The following TMEM132D variants were observed in gnomAD, a reference collection of about 807,000 sequenced individuals.
TMEM132D encodes the protein transmembrane protein 132D, also known as mature OL transmembrane protein.
TMEM132D carries 21 observed loss-of-function variants against 62.3 expected under a neutral mutation model. That is an observed-to-expected ratio of 0.34 (90% CI 0.24 to 0.49). The LOEUF is 0.49. TMEM132D is among the 20% of genes least tolerant of loss of function. The probability of loss-of-function intolerance (pLI) is 0.99; values close to 1 mark genes in which losing one functional copy is unlikely to be tolerated. For synonymous variants in TMEM132D, 621 were observed against 575.6 expected, an observed-to-expected ratio of 1.08 and a Z score of -1.13; for missense variants, 1,346 against 1,402.8, an observed-to-expected ratio of 0.96 and a Z score of 0.65.
chr12:129,827,155 G>A lies in TMEM132D; in HGVS notation c.79+76106C>T, dbSNP rs557898072. Reference sequence around the variant, plus strand: ...TAATAATAGCAATTAATAATTAAGCGCGTCTCTATATTTGATCTTCTGCTA... The same window carrying A: ...TAATAATAGCAATTAATAATTAAGCACGTCTCTATATTTGATCTTCTGCTA... On this transcript the variant is annotated intron_variant, in intron 1 of 8. Transcript: ENST00000422113. This position sits in a 1 kb window ranked among gnomAD's most constrained non-coding sequence, Gnocchi z 9.7. Among the ~76,000 whole-genome samples, 168 of 152,200 alleles carry A rather than the reference G, an allele frequency of 1.1e-3. No homozygotes were observed. Among genetic ancestry groups the A allele is most frequent in the African/African-American group, 3.4e-3 (140 of 41,522 alleles).
intron 4 of TMEM132D, among the ~76,000 whole-genome samples, chr12:129,322,394 G>C (rs565668691): frequency 6.0e-4 from 92 of 152,340 alleles, no homozygotes; most frequent in Non-Finnish European, 8.2e-4. Flanking sequence ...GCCATGCCAT[G>C]ATGGCCATTT....
chr12:129,610,084 A>G (rs1476206419), intron 2 of TMEM132D, among the ~76,000 whole-genome samples: 2 of 152,170 alleles, frequency 1.3e-5, no homozygotes, highest in East Asian at 1.9e-4. Flanking sequence ...AGCCTGGCCA[A>G]CACAGTGAAA....
intron 3 of TMEM132D, among the ~76,000 whole-genome samples, chr12:129,395,225 C>T (rs1331670051): frequency 1.3e-5 from 2 of 152,028 alleles, no homozygotes; most frequent in Non-Finnish European, 2.9e-5. Context: ...TTAAGGATAG[C>T]GAGAATGAGG....
At chr12:129,797,300 G>C (rs375297809) in intron 1 of TMEM132D, among the ~76,000 whole-genome samples, 1 of 152,178 alleles carries the variant, frequency 6.6e-6, no homozygotes, top group Non-Finnish European at 1.5e-5. Context: ...TGAATTCACT[G>C]CCCTTTGGAA....
chr12:129,682,559 T>C (rs1214164132), intron 2 of TMEM132D, among the ~76,000 whole-genome samples: 1 of 152,092 alleles, frequency 6.6e-6, no homozygotes, highest in Non-Finnish European at 1.5e-5. Flanking sequence ...CAGCAGTGTT[T>C]AATGGCCTTT....
intron 6 of TMEM132D, among the ~76,000 whole-genome samples, chr12:129,084,218 C>T (rs936182224): frequency 6.6e-5 from 10 of 152,118 alleles, no homozygotes; most frequent in African/African-American, 2.4e-4. Flanking sequence ...CACAAAATCC[C>T]AGTGAGGATA....
At chr12:129,580,612 G>A (rs1877822034) in intron 2 of TMEM132D, among the ~76,000 whole-genome samples, 1 of 152,100 alleles carries the variant, frequency 6.6e-6, no homozygotes, top group Non-Finnish European at 1.5e-5. Flanking sequence ...GCTGAGGCAG[G>A]GGAATCGCTT....
intron 1 of TMEM132D, among the ~76,000 whole-genome samples, chr12:129,848,477 A>G (rs760109551): frequency 1.3e-5 from 2 of 152,206 alleles, no homozygotes; most frequent in South Asian, 2.1e-4. Flanking sequence ...CACTTAAAAA[A>G]TCTGAACATC....
chr12:129,776,416 A>G (rs1677444655), intron 1 of TMEM132D, among the ~76,000 whole-genome samples: 1 of 151,442 alleles, frequency 6.6e-6, no homozygotes, highest in South Asian at 2.1e-4. Flanking sequence ...GCGCCTTCCA[A>G]TGATGCTTTA....
chr12:129,241,173 A>G (rs1455356083), intron 4 of TMEM132D, among the ~76,000 whole-genome samples: 1 of 149,538 alleles, frequency 6.7e-6, no homozygotes, highest in African/African-American at 2.5e-5. Flanking sequence ...AAAAAAAAGG[A>G]AAGAAAAAAA....
At chr12:129,330,150 A>G (rs1391051449) in intron 4 of TMEM132D, among the ~76,000 whole-genome samples, 1 of 152,192 alleles carries the variant, frequency 6.6e-6, no homozygotes, top group Non-Finnish European at 1.5e-5. Context: ...CCCAAGAATC[A>G]TATAAGGAAG....
At chr12:129,543,361 G>A (rs1876642796) in intron 2 of TMEM132D, among the ~76,000 whole-genome samples, 1 of 148,262 alleles carries the variant, frequency 6.7e-6, no homozygotes, top group Non-Finnish European at 1.5e-5. Context: ...TGAGTGGGTG[G>A]ATGGATGGAT....
chr12:129,542,758 G>A (rs1353948056), intron 2 of TMEM132D, among the ~76,000 whole-genome samples: 4 of 152,004 alleles, frequency 2.6e-5, no homozygotes, highest in African/African-American at 9.7e-5. Flanking sequence ...TGCACTGCAC[G>A]ACATTTTAGT....
chr12:129,587,089 A>C (rs1299140562), intron 2 of TMEM132D, among the ~76,000 whole-genome samples: 1 of 152,184 alleles, frequency 6.6e-6, no homozygotes, highest in African/African-American at 2.4e-5. Flanking sequence ...GCTAGAGCAA[A>C]ACATATCACT....
At chr12:129,680,177 A>C (rs548883775) in intron 2 of TMEM132D, among the ~76,000 whole-genome samples, 1 of 152,166 alleles carries the variant, frequency 6.6e-6, no homozygotes, top group Non-Finnish European at 1.5e-5. Context: ...TAAGGGCAAA[A>C]GGTTAGTATT....
At chr12:129,165,303 C>A (rs140337122) in intron 5 of TMEM132D, among the ~76,000 whole-genome samples, 5 of 152,142 alleles carry the variant, frequency 3.3e-5, no homozygotes, top group African/African-American at 1.2e-4. Context: ...AAGGTGTACA[C>A]GTGTCTCAAA....
intron 5 of TMEM132D, among the ~76,000 whole-genome samples, chr12:129,101,118 T>G (rs955840878): frequency 2.0e-5 from 3 of 151,758 alleles, no homozygotes; most frequent in Non-Finnish European, 4.4e-5. Flanking sequence ...CACCAGTTGA[T>G]GGCAGGGGTC....
intron 4 of TMEM132D, among the ~76,000 whole-genome samples, chr12:129,234,118 A>G (rs1346791923): frequency 2.6e-5 from 4 of 152,228 alleles, no homozygotes; most frequent in Non-Finnish European, 4.4e-5. Flanking sequence ...GTTGACATTT[A>G]GAAAACTTCA....
intron 4 of TMEM132D, among the ~76,000 whole-genome samples, chr12:129,322,417 G>A (rs1211829901): frequency 6.6e-6 from 1 of 152,200 alleles, no homozygotes; most frequent in Non-Finnish European, 1.5e-5. Context: ...CTTGATGGTA[G>A]AGCATTGATA....
Sources: allele counts gnomAD v4.1 joint callset (sites outside exome capture counted in the v4.1 genomes callset), GRCh38; gene constraint gnomAD v4.1.1; non-coding constraint Gnocchi (gnomAD v3.1); transcripts MANE v1.5; gene names NCBI Gene and HGNC (gene_info 2026-07-23, HGNC 2026-07-21).